The following ACSF3 variants were observed in gnomAD, a reference collection of about 807,000 sequenced individuals.
ACSF3 encodes acyl-CoA synthetase family member 3, also known as malonate--CoA ligase ACSF3, mitochondrial.
A neutral mutation model predicts 53.2 loss-of-function variants in ACSF3; 78 were observed. The observed-to-expected ratio is 1.47, with a 90% CI of 1.22 to 1.77. The LOEUF (loss-of-function observed/expected upper bound fraction) is 1.77. ACSF3 is among the 40% of genes most tolerant of loss of function. The probability of loss-of-function intolerance (pLI) is 0.00; values close to 1 mark genes in which losing one functional copy is unlikely to be tolerated. For missense variants in ACSF3, 937 were observed against 771.1 expected (o/e 1.22, Z -2.55); for synonymous variants, 414 against 333.1 (o/e 1.24, Z -2.65).
Position 89,154,602 on chromosome 16 carries a change from G to A in ACSF3, c.*395G>A, listed in dbSNP as rs1444360919. 8.8e-6 allele frequency: 4 copies of A among 456,372 alleles called. No homozygotes were observed. Among genetic ancestry groups the A allele is most frequent in the African/African-American group, 4.0e-5 (2 of 50,044 alleles). The allele number at this position is 456,372 out of a possible 1,614,324, so 28.3% of individuals were successfully genotyped here. Reference sequence around the variant, plus strand: ...TGGAGGAAACAAGCCCCTGTCCCACGCCGTCTGCACGTGCCTGTGCCTCAC... The same window carrying A: ...TGGAGGAAACAAGCCCCTGTCCCACACCGTCTGCACGTGCCTGTGCCTCAC... On this transcript the variant is annotated 3_prime_UTR_variant, in exon 11 of 11. Transcript: ENST00000614302.
rs542075905 is a variant in ACSF3, at chr16:89,144,941, G to C, written c.1367-326G>C. On this transcript the variant is annotated intron_variant, in intron 8 of 10. Transcript: ENST00000614302. The stretch of plus-strand genomic sequence containing the variant: ...CCCAGCAGGGCTTCTGGCACCTCCT[G>C]CTCCTGGCAGGCTCTGGACCCACTG... 2.6e-5 allele frequency among the ~76,000 whole-genome samples: 4 copies of C among 152,338 alleles called. No individual in the cohort carries two copies. In the East Asian group the frequency reaches 5.8e-4, roughly 22 times the overall value.
intron 7 of ACSF3, among the ~76,000 whole-genome samples, chr16:89,124,779 G>A (rs1010476783): frequency 4.4e-5 from 4 of 90,756 alleles, no homozygotes; most frequent in South Asian, 3.0e-4. Flanking sequence ...ACACCTGTGC[G>A]CACACTGCAT....
intron 3 of ACSF3, among the ~76,000 whole-genome samples, chr16:89,101,970 G>T (rs1975400145): frequency 1.3e-5 from 2 of 152,222 alleles, no homozygotes; most frequent in Non-Finnish European, 2.9e-5. Context: ...CGGCGCGCCT[G>T]TCGGGAGGGA....
chr16:89,101,264 A>G lies in ACSF3; in HGVS notation c.583A>G (p.Lys195Glu), dbSNP rs1366314967. Residue 195 changes from lysine to glutamate, a missense_variant, in exon 3 of 11, where the codon AAG (lysine) becomes GAG (glutamate). Physicochemically the swap from Lys to Glu is moderately conservative, Grantham distance 56 (BLOSUM62 1). Transcript: ENST00000614302. ...VPVPEQGWRN[K>E]GAMIIYTSGT... is the part of the protein sequence containing the mutation. ...GGTCCCAGAGCAGGGATGGAGGAAC[A>G]AGGGCGCCATGATCATCTACACCAG... 1 of 1,601,684 alleles carries G rather than the reference A, an allele frequency of 6.2e-7. No individual in the cohort carries two copies. The highest frequency in any genetic ancestry group is 2.3e-5 in the East Asian group (1 of 44,408).
intron 10 of ACSF3, chr16:89,153,709 G>A (rs867304327): frequency 1.2e-4 from 39 of 324,014 alleles, no homozygotes; most frequent in South Asian, 5.2e-4. Flanking sequence ...GAAGGGGAAC[G>A]GGCCACAGAG....
intron 10 of ACSF3, 152 bp downstream of exon 10, chr16:89,146,201 G>A (rs1054255195): frequency 2.7e-5 from 17 of 623,592 alleles, no homozygotes; most frequent in Non-Finnish European, 3.1e-5. Context: ...CCTGAAGGCC[G>A]CACACAGCAG....
At chr16:89,153,893 C>T in intron 10 of ACSF3, 197 bp from the exon 11 acceptor site, 1 of 620,426 alleles carries the variant, frequency 1.6e-6, no homozygotes, top group South Asian at 1.9e-5. Flanking sequence ...CCGGGCACCT[C>T]CTGCAGTCAC....
chr16:89,103,966 G>A (rs1833462356), intron 4 of ACSF3, among the ~76,000 whole-genome samples: 1 of 152,204 alleles, frequency 6.6e-6, no homozygotes, highest in African/African-American at 2.4e-5. Context: ...GGCTCGAGGC[G>A]GGACCCTGTG....
rs910863371 is a variant in ACSF3, at chr16:89,155,904, A to G, written c.*1697A>G. ...AGTGTAACTTTCTGCTGACAATACTACAAACTACAGAAAGCCTGGAGCTCA... is the reference window on the plus strand; with the variant it reads ...AGTGTAACTTTCTGCTGACAATACTGCAAACTACAGAAAGCCTGGAGCTCA... On this transcript the variant is annotated 3_prime_UTR_variant, in exon 11 of 11. Coordinates refer to ENST00000614302, the MANE Select transcript of ACSF3 (RefSeq NM_001243279.3). 7.8e-6 allele frequency: 3 copies of G among 384,186 alleles called. No individual in the cohort carries two copies. Among genetic ancestry groups the G allele is most frequent in the Non-Finnish European group, 1.5e-5 (3 of 195,200 alleles). 23.8% of individuals were successfully genotyped at this position (384,186 alleles called of 1,614,324 possible). A position where few individuals can be genotyped will look rare whatever the true frequency, so the allele number is the denominator to read the frequency against.
At position 89,093,953 on chromosome 16, in the gene ACSF3, T is replaced by C. The variant is rs1187625395; in HGVS notation, c.-237T>C. ...CGCGCGGCGGAGGACGAGGAAGAGT[T>C]GTGGCGAGGCAGATCCTGCCCCGTG... is the stretch of plus-strand genomic sequence containing the variant. On this transcript the variant is annotated 5_prime_UTR_variant, in exon 1 of 11. Coordinates refer to ENST00000614302, the MANE Select transcript of ACSF3 (RefSeq NM_001243279.3). The C allele has an allele frequency of 6.2e-6, 2 of 322,966 alleles. No individual in the cohort carries two copies. The highest frequency in any genetic ancestry group is 3.2e-5 in the Admixed American group (1 of 30,960). 20.0% of individuals were successfully genotyped at this position (322,966 alleles called of 1,614,324 possible). A position where few individuals can be genotyped will look rare whatever the true frequency, so the allele number is the denominator to read the frequency against.
chr16:89,104,184 G>A (rs541313449), intron 4 of ACSF3, among the ~76,000 whole-genome samples: 8 of 152,330 alleles, frequency 5.3e-5, no homozygotes, highest in South Asian at 4.1e-4. Flanking sequence ...GGCCATGGAC[G>A]TTTACCAGCC....
At chr16:89,100,561 G>A in intron 2 of ACSF3, 101 bp from the exon 3 acceptor site, 1 of 1,180,650 alleles carries the variant, frequency 8.5e-7, no homozygotes, top group Non-Finnish European at 1.2e-6. Context: ...GGTGCAGCAG[G>A]CGTACCTGGC....
chr16:89,139,370 C>CT (rs1425145930), intron 8 of ACSF3, among the ~76,000 whole-genome samples: 1 of 152,136 alleles, frequency 6.6e-6, no homozygotes, highest in Non-Finnish European at 1.5e-5. Context: ...GTGGGGACTG[C>CT]TTTCCCCTGG....
rs900029035 is a variant in ACSF3 at position 89,120,939 on chromosome 16, G to A, written c.1239+26G>A. On this transcript the variant is annotated intron_variant, in intron 7 of 10. Transcript: ENST00000614302. ...GTAAGCCACTCTGCTCTTGGCAGGT[G>A]GGCGGCCGTGTGTCCAGTCTAGGCC... 1.6e-5 allele frequency: 26 copies of A among 1,604,554 alleles called. No individual in the cohort carries two copies. The East Asian group carries it at 5.1e-4, about 32-fold the overall frequency.
Position 89,155,342 on chromosome 16 carries a change from A to C in ACSF3, c.*1135A>C, listed in dbSNP as rs1231036551. On this transcript the variant is annotated 3_prime_UTR_variant, in exon 11 of 11. Transcript: ENST00000614302. ...GTGTGCCGGGCAGGAGGCCAGCCCC[A>C]TCTCAGGCTCACGTGCCTCTGACAG... is the stretch of plus-strand genomic sequence containing the variant. The C allele has an allele frequency of 2.2e-6, 1 of 451,780 alleles. No homozygotes were observed. The highest frequency in any genetic ancestry group is 2.4e-5 in the Admixed American group (1 of 42,552). The allele number at this position is 451,780 out of a possible 1,614,324, so 28.0% of individuals were successfully genotyped here.
chr16:89,149,191 C>T (rs1302882710), intron 10 of ACSF3: 1 of 152,208 alleles, frequency 6.6e-6, no homozygotes, highest in East Asian at 1.9e-4. Flanking sequence ...ATTTTAGTCA[C>T]AACAATTTAA....
intron 10 of ACSF3, 33 bp from the exon 11 acceptor site, chr16:89,154,057 G>GCAGT: frequency 6.3e-7 from 1 of 1,596,496 alleles, no homozygotes; most frequent in South Asian, 1.1e-5. Flanking sequence ...CACTGTCAGG[G>GCAGT]CAGTGCGCCT....
intron 7 of ACSF3, among the ~76,000 whole-genome samples, chr16:89,123,185 C>G (rs530013528): frequency 9.8e-5 from 15 of 152,288 alleles, no homozygotes; most frequent in African/African-American, 3.6e-4. Context: ...CAAGACCCTT[C>G]GTGGGGAGGA....
At chr16:89,111,484 G>A (rs1396981065) in intron 4 of ACSF3, among the ~76,000 whole-genome samples, 1 of 152,194 alleles carries the variant, frequency 6.6e-6, no homozygotes, top group Admixed American at 6.5e-5. Context: ...TCCTCCCTCC[G>A]CCACACCCTT....
Sources: allele counts gnomAD v4.1 joint callset (sites outside exome capture counted in the v4.1 genomes callset), GRCh38; gene constraint gnomAD v4.1.1; transcripts MANE v1.5; gene names NCBI Gene and HGNC (gene_info 2026-07-23, HGNC 2026-07-21).